The following CYYR1 variants were observed in gnomAD, a reference collection of about 807,000 sequenced individuals.
The protein encoded by CYYR1 is cysteine and tyrosine rich 1, also known as cysteine and tyrosine-rich protein 1.
A neutral mutation model predicts 15.2 loss-of-function variants in CYYR1; 14 were observed. The observed-to-expected ratio is 0.92, with a 90% CI of 0.61 to 1.44. The LOEUF (loss-of-function observed/expected upper bound fraction) is 1.44, where lower values mean the gene tolerates loss of function less well. CYYR1 is among the 40% of genes most tolerant of loss of function. The pLI, the probability that CYYR1 is intolerant of heterozygous loss-of-function variation, is 0.00. For missense variants in CYYR1, 228 were observed against 209.5 expected (o/e 1.09, Z -0.54); for synonymous variants, 80 against 77.4 (o/e 1.03, Z -0.18).
In CYYR1 at chr21:26,566,338, C is replaced by T. The variant is rs1304252168; in HGVS notation, c.104G>A (p.Cys35Tyr). ...DDCLAQCGKD[C>Y]KSYCCDGTTP... ...GGTTCCATCACAGCAGTAAGATTTG[C>T]AATCTTTGCCACACTGAGCAAGGCA... is the stretch of plus-strand genomic sequence containing the variant. Residue 35 changes from cysteine to tyrosine, a missense_variant, in exon 2 of 4, where the codon TGC becomes TAC. Physicochemically the swap from Cys to Tyr is radical, Grantham distance 194. Coordinates refer to ENST00000652641, the MANE Select transcript of CYYR1 (RefSeq NM_001320768.2). 2 of 1,613,440 alleles carry T rather than the reference C, an allele frequency of 1.2e-6. No individual in the cohort carries two copies. Among genetic ancestry groups the T allele is most frequent in the East Asian group, 2.2e-5 (1 of 44,838 alleles).
intron 2 of CYYR1, among the ~76,000 whole-genome samples, chr21:26,495,345 T>C (rs1601750720): frequency 6.6e-6 from 1 of 152,194 alleles, no homozygotes; most frequent in Non-Finnish European, 1.5e-5. Context: ...AGTTAGGGCT[T>C]GCCAAATATC....
intron 2 of CYYR1, among the ~76,000 whole-genome samples, chr21:26,508,903 G>A (rs763324832): frequency 3.3e-5 from 5 of 152,176 alleles, no homozygotes; most frequent in African/African-American, 7.2e-5. Flanking sequence ...CTAAGACCAC[G>A]AGCATTGGTT....
chr21:26,512,222 A>G (rs1379666102), intron 2 of CYYR1, among the ~76,000 whole-genome samples: 2 of 151,812 alleles, frequency 1.3e-5, no homozygotes, highest in East Asian at 3.9e-4. Context: ...TTTTTGAGAC[A>G]GAGTCTCACT....
chr21:26,471,343 C>G (rs1163949793), intron 3 of CYYR1: 1 of 152,208 alleles, frequency 6.6e-6, no homozygotes, highest in Non-Finnish European at 1.5e-5. Context: ...ACATCATTCT[C>G]TGTCATGAAG....
chr21:26,563,227 A>G (rs1056885329), intron 2 of CYYR1, among the ~76,000 whole-genome samples: 7 of 152,072 alleles, frequency 4.6e-5, no homozygotes, highest in African/African-American at 1.7e-4. Flanking sequence ...GAAAAAGGGC[A>G]CCTGAATTTA....
At chr21:26,536,067 G>A (rs1978298241) in intron 2 of CYYR1, among the ~76,000 whole-genome samples, 1 of 152,136 alleles carries the variant, frequency 6.6e-6, no homozygotes, top group African/African-American at 2.4e-5. Flanking sequence ...AAAGGTGAAG[G>A]GGAAGCAAGC....
intron 2 of CYYR1, among the ~76,000 whole-genome samples, chr21:26,483,972 T>A (rs1259427921): frequency 2.0e-5 from 3 of 152,114 alleles, no homozygotes; most frequent in Non-Finnish European, 4.4e-5. Flanking sequence ...TTATTCTCAG[T>A]GGTACCTGAA....
At chr21:26,553,280 C>T (rs1276239197) in intron 2 of CYYR1, among the ~76,000 whole-genome samples, 1 of 151,918 alleles carries the variant, frequency 6.6e-6, no homozygotes, top group Admixed American at 6.6e-5. Context: ...TTTTCTTTAG[C>T]TTTTAACCAA....
At chr21:26,570,283 T>C (rs1980924326) in intron 1 of CYYR1, among the ~76,000 whole-genome samples, 1 of 152,190 alleles carries the variant, frequency 6.6e-6, no homozygotes, top group African/African-American at 2.4e-5. Context: ...AGGTGTGGTC[T>C]GGAAGAAGGT....
At chr21:26,486,026 C>T (rs1326461056) in intron 2 of CYYR1, among the ~76,000 whole-genome samples, 2 of 152,026 alleles carry the variant, frequency 1.3e-5, no homozygotes, top group African/African-American at 2.4e-5. Flanking sequence ...TTTGCATTCC[C>T]GTAATGGCTA....
In CYYR1 at chr21:26,573,265, C is replaced by T. The variant is rs1479607684; in HGVS notation, c.-325G>A. 2.3e-6 allele frequency: 3 copies of T among 1,332,672 alleles called. No individual in the cohort carries two copies. The highest frequency in any genetic ancestry group is 2.4e-5 in the Admixed American group (1 of 41,924). The allele number at this position is 1,332,672 out of a possible 1,614,324, so 82.6% of individuals were successfully genotyped here. A position where few individuals can be genotyped will look rare whatever the true frequency, so the allele number is the denominator to read the frequency against. On this transcript the variant is annotated 5_prime_UTR_variant, in exon 1 of 4. Transcript: ENST00000652641. Reference sequence around the variant, plus strand: ...TTGGCCACCCAGGCTCACATTTCATCTCCGCGGGTGGCAACGACTGCGGGC... The same window carrying T: ...TTGGCCACCCAGGCTCACATTTCATTTCCGCGGGTGGCAACGACTGCGGGC...
chr21:26,505,046 C>T (rs945483258), intron 2 of CYYR1, among the ~76,000 whole-genome samples: 11 of 152,160 alleles, frequency 7.2e-5, no homozygotes, highest in Admixed American at 1.3e-4. Flanking sequence ...CTATATTTTG[C>T]ATTTTTGAAA....
intron 2 of CYYR1, among the ~76,000 whole-genome samples, chr21:26,512,365 A>AT (rs897690333): frequency 4.6e-5 from 7 of 150,874 alleles, no homozygotes; most frequent in East Asian, 2.0e-4. Flanking sequence ...TGCCTGGCTA[A>AT]TTTTTTTTTG....
chr21:26,478,479 T>C (rs555270013), intron 3 of CYYR1, among the ~76,000 whole-genome samples: 1 of 152,026 alleles, frequency 6.6e-6, no homozygotes, highest in South Asian at 2.1e-4. Flanking sequence ...AAAGGAGGCC[T>C]GGGAAATAAA....
At chr21:26,525,348 A>G (rs1050149217) in intron 2 of CYYR1, among the ~76,000 whole-genome samples, 1 of 152,058 alleles carries the variant, frequency 6.6e-6, no homozygotes, top group African/African-American at 2.4e-5. Context: ...CAGTCATTTC[A>G]TCCTCTTGGA....
At chr21:26,536,897 T>C (rs1978307942) in intron 2 of CYYR1, among the ~76,000 whole-genome samples, 1 of 152,198 alleles carries the variant, frequency 6.6e-6, no homozygotes, top group African/African-American at 2.4e-5. Context: ...AATAAACATT[T>C]ACTGAGCACC....
chr21:26,524,435 G>A (rs1269480181), intron 2 of CYYR1, among the ~76,000 whole-genome samples: 1 of 152,192 alleles, frequency 6.6e-6, no homozygotes, highest in Non-Finnish European at 1.5e-5. Flanking sequence ...GTTGTGGAAA[G>A]CAGGAAAATA....
intron 2 of CYYR1, among the ~76,000 whole-genome samples, chr21:26,520,113 G>GAGATATATATATATAT (rs1555908328): frequency 2.5e-5 from 3 of 120,670 alleles, no homozygotes; most frequent in African/African-American, 1.0e-4. Flanking sequence ...AAACCCAGGA[G>GAGATATATATATATAT]ATATATATAT....
At chr21:26,562,541 A>G (rs1035825841) in intron 2 of CYYR1, among the ~76,000 whole-genome samples, 4 of 152,130 alleles carry the variant, frequency 2.6e-5, no homozygotes, top group African/African-American at 9.7e-5. Context: ...GTTCCCCACT[A>G]GCCACACTGA....
Sources: allele counts gnomAD v4.1 joint callset (sites outside exome capture counted in the v4.1 genomes callset), GRCh38; gene constraint gnomAD v4.1.1; transcripts MANE v1.5; gene names NCBI Gene and HGNC (gene_info 2026-07-23, HGNC 2026-07-21).